Variants in CYREN observed in about 807,000 individuals in gnomAD.
The protein encoded by CYREN is cell cycle regulator of non-homologous end joining.
A neutral mutation model predicts 9.7 loss-of-function variants in CYREN; 7 were observed. The ratio of observed to expected loss-of-function variants is 0.72; its 90% confidence interval spans 0.41 to 1.36. The LOEUF is 1.36. Among genes scored for constraint, CYREN ranks in the 40% most tolerant of loss-of-function variants. The probability of loss-of-function intolerance (pLI) is 0.01; values close to 1 mark genes in which losing one functional copy is unlikely to be tolerated. For missense variants in CYREN, 215 were observed against 198.1 expected, an observed-to-expected ratio of 1.09 and a Z score of -0.51; for synonymous variants, 76 against 77.9, an observed-to-expected ratio of 0.98 and a Z score of 0.13.
intron 2 of CYREN, among the ~76,000 whole-genome samples, chr7:135,112,104 T>A (rs1825722688): frequency 6.6e-6 from 1 of 152,212 alleles, no homozygotes; most frequent in African/African-American, 2.4e-5. Flanking sequence ...TGAAGCTCTA[T>A]CCATTCTACC....
At chr7:135,094,494 T>C (rs2116942279) in exon 3 of CYREN, 1 of 456,672 alleles carries the variant, frequency 2.2e-6, no homozygotes, top group Middle Eastern at 3.3e-4. Context: ...CTGGTGGCCA[T>C]AGTCTTGTCT....
chr7:135,094,636 C>T (rs1459066228), intron 2 of CYREN: 8 of 424,104 alleles, frequency 1.9e-5, no homozygotes, highest in Admixed American at 2.6e-5. Flanking sequence ...GAGCATTCTC[C>T]GTAACAAGGG....
intron 2 of CYREN, among the ~76,000 whole-genome samples, chr7:135,154,195 TTG>T (rs1417665043): frequency 3.9e-5 from 6 of 152,176 alleles, no homozygotes; most frequent in African/African-American, 1.4e-4. Flanking sequence ...TCATTTCTGA[TTG>T]TGTTTATTTG....
At chr7:135,142,166 G>A (rs942818562) in intron 2 of CYREN, among the ~76,000 whole-genome samples, 1 of 152,010 alleles carries the variant, frequency 6.6e-6, no homozygotes, top group Non-Finnish European at 1.5e-5. Context: ...AGAAAAAGTT[G>A]AATTGCTTGA....
chr7:135,154,954 G>C (rs1179271892), intron 2 of CYREN, among the ~76,000 whole-genome samples: 2 of 152,112 alleles, frequency 1.3e-5, no homozygotes, highest in Non-Finnish European at 2.9e-5. Flanking sequence ...GTCCCCTACA[G>C]TTATTGTATT....
At chr7:135,163,526 T>G (rs192198705), downstream of CYREN, among the ~76,000 whole-genome samples, 1 of 152,210 alleles carries the variant, frequency 6.6e-6, no homozygotes, top group Admixed American at 6.5e-5. Context: ...GTGCCTGTAG[T>G]CCCAGCTACT....
At chr7:135,164,659 T>A, downstream of CYREN, 1 of 1,613,418 alleles carries the variant, frequency 6.2e-7, no homozygotes. Context: ...CTGGAAGCCC[T>A]GGGGGTGCCT....
chr7:135,168,830 G>A lies in CYREN; in HGVS notation c.93C>T (p.Ala31=), dbSNP rs774233911. ...CTGCTGCCATTCTCATCCTCTTGGGGGCCTTCATTGGTGCCACATTCTTTG... is the reference window on the plus strand; with the variant it reads ...CTGCTGCCATTCTCATCCTCTTGGGAGCCTTCATTGGTGCCACATTCTTTG... ...VATKNVAPMK[A]PKRMRMAAVP... Residue 31 remains alanine, a synonymous_variant, in exon 2 of 4, where the codon GCC becomes GCT. Transcript: ENST00000393114. The A allele has an allele frequency of 6.2e-7, 1 of 1,614,080 alleles. No homozygotes were observed. Among genetic ancestry groups the A allele is most frequent in the Non-Finnish European group, 8.5e-7 (1 of 1,179,966 alleles).
rs1249013461 is a variant in CYREN, at chr7:135,169,000, T to TCTCTCGTC, written c.-86_-79dup. On this transcript the variant is annotated 5_prime_UTR_variant, in exon 2 of 4. Transcript: ENST00000393114. ...TTTAATTCAGGAAGGTAAATCTCGT[T>TCTCTCGTC]CTCTCGTCACACCCGGAATTACAGG... 12 of 1,374,648 alleles carry TCTCTCGTC rather than the reference T, an allele frequency of 8.7e-6. No individual in the cohort carries two copies. The highest frequency in any genetic ancestry group is 6.9e-6 in the Non-Finnish European group (7 of 1,021,438). The allele number at this position is 1,374,648 out of a possible 1,614,324, so 85.2% of individuals were successfully genotyped here. A position where few individuals can be genotyped will look rare whatever the true frequency, so the allele number is the denominator to read the frequency against.
intron 2 of CYREN, among the ~76,000 whole-genome samples, chr7:135,117,311 C>T (rs538719435): frequency 1.3e-5 from 2 of 152,216 alleles, no homozygotes; most frequent in Admixed American, 6.5e-5. Flanking sequence ...TGCAATTCAC[C>T]TATTAATCCA....
exon 3 of CYREN, chr7:135,092,852 G>A (rs1479254301): frequency 6.6e-6 from 1 of 151,902 alleles, no homozygotes; most frequent in Non-Finnish European, 1.5e-5. Context: ...AGAAATGCAA[G>A]GTTAGTTTAG....
intron 2 of CYREN, among the ~76,000 whole-genome samples, chr7:135,141,435 A>T (rs1829451173): frequency 6.6e-6 from 1 of 150,988 alleles, no homozygotes; most frequent in African/African-American, 2.4e-5. Flanking sequence ...GTTTATTTGG[A>T]TCTTCTCTGT....
Position 135,140,176 on chromosome 7 carries a change from G to A in CYREN, n.356+28573C>T, listed in dbSNP as rs558763147. ...GCAGTAAGTCCATTTTAACAATATC[G>A]ATTCTTCCTATCCATGAGCATGGAA... On this transcript the variant is annotated intron_variant and non_coding_transcript_variant, in intron 2 of 2. Coordinates refer to the CYREN transcript ENST00000459937. Among the ~76,000 whole-genome samples the A allele has an allele frequency of 1.3e-3, 195 of 151,940 alleles. 1 individual carries two copies. The highest frequency in any genetic ancestry group is 4.5e-3 in the African/African-American group (187 of 41,436).
At chr7:135,147,498 G>C (rs1387276503) in intron 2 of CYREN, among the ~76,000 whole-genome samples, 1 of 152,148 alleles carries the variant, frequency 6.6e-6, no homozygotes, top group Non-Finnish European at 1.5e-5. Flanking sequence ...CTGGCCAGGA[G>C]CCCCAATGCT....
intron 2 of CYREN, among the ~76,000 whole-genome samples, chr7:135,099,066 G>A (rs1388155700): frequency 6.6e-6 from 1 of 152,112 alleles, no homozygotes; most frequent in African/African-American, 2.4e-5. Context: ...TAACAGCAAA[G>A]TAAATAATAT....
chr7:135,171,802 G>A (rs545230533), upstream of CYREN, among the ~76,000 whole-genome samples: 2 of 134,978 alleles, frequency 1.5e-5, no homozygotes, highest in South Asian at 5.2e-4. Context: ...CGTCCCTGCA[G>A]AGGACTCCGG....
intron 3 of CYREN, chr7:135,167,139 T>C (rs1193504174): frequency 2.0e-6 from 2 of 984,910 alleles, no homozygotes; most frequent in African/African-American, 1.8e-5. Flanking sequence ...GAAAAAGAAA[T>C]GGAAGAAACA....
chr7:135,168,610 A>G (rs1830413867), intron 2 of CYREN, 176 bp downstream of exon 2: 1 of 983,514 alleles, frequency 1.0e-6, no homozygotes, highest in Non-Finnish European at 1.5e-6. Context: ...TCGAGGGTTA[A>G]CCCGCTTTGC....
chr7:135,168,021 G>T, intron 2 of CYREN: 1 of 740,598 alleles, frequency 1.4e-6, no homozygotes, highest in Non-Finnish European at 2.1e-6. Context: ...ACACCGGGGT[G>T]CCTCCCACCC....
Sources: gnomAD v4.1 joint callset for allele counts (sites outside exome capture counted in the v4.1 genomes callset) on GRCh38, gnomAD v4.1.1 for gene constraint, MANE v1.5 for transcripts, NCBI Gene and HGNC (gene_info 2026-07-23, HGNC 2026-07-21) for gene names.